LUZP2: variants seen among roughly 807,000 people sequenced by gnomAD.
LUZP2 encodes leucine zipper protein 2.
A neutral mutation model predicts 51.6 loss-of-function variants in LUZP2; 52 were observed. That is an observed-to-expected ratio of 1.01 (90% confidence interval 0.81 to 1.27). The LOEUF (loss-of-function observed/expected upper bound fraction) is 1.27, where lower values mean the gene tolerates loss of function less well. Ranked by LOEUF, LUZP2 falls within the 50% of genes most tolerant of loss-of-function variation. The pLI, the probability that LUZP2 is intolerant of heterozygous loss-of-function variation, is 0.00. For synonymous variants in LUZP2, 154 were observed against 137.3 expected, an observed-to-expected ratio of 1.12 and a Z score of -0.85; for missense variants, 436 against 395.4, an observed-to-expected ratio of 1.10 and a Z score of -0.87.
chr11:24,985,875 A>G (rs1300293957), intron 9 of LUZP2, among the ~76,000 whole-genome samples: 1 of 151,744 alleles, frequency 6.6e-6, no homozygotes, highest in African/African-American at 2.4e-5. Flanking sequence ...ATAGGGTTAA[A>G]TATTGGAAAT....
intron 1 of LUZP2, among the ~76,000 whole-genome samples, chr11:24,578,890 T>G (rs1182139637): frequency 1.3e-5 from 2 of 152,092 alleles, no homozygotes; most frequent in Non-Finnish European, 2.9e-5. Flanking sequence ...TATACCCAGG[T>G]AACAAACCTG....
At chr11:24,963,100 G>C (rs1855467133) in intron 7 of LUZP2, among the ~76,000 whole-genome samples, 1 of 152,162 alleles carries the variant, frequency 6.6e-6, no homozygotes, top group African/African-American at 2.4e-5. Context: ...CGCGAATGCT[G>C]CTGTCTGATC....
chr11:24,922,825 C>CTTTTTTTTTT lies in LUZP2; in HGVS notation c.522+8289_522+8298dup, dbSNP rs1277388215. ...GGACTACCAAGTGGCACAGTTATAT[C>CTTTTTTTTTT]TTTTTTTTTTTCTTTTTTTTTTTTT... On this transcript the variant is annotated intron_variant, in intron 7 of 11. Transcript: ENST00000336930. 1.3e-4 allele frequency among the ~76,000 whole-genome samples: 6 copies of CTTTTTTTTTT among 44,622 alleles called. 3 individuals carry two copies. Among genetic ancestry groups the CTTTTTTTTTT allele is most frequent in the South Asian group, 2.9e-3 (2 of 688 alleles). The allele number at this position is 44,622 out of a possible 152,430, so 29.3% of individuals were successfully genotyped here. A position where few individuals can be genotyped will look rare whatever the true frequency, so the allele number is the denominator to read the frequency against.
chr11:24,516,799 A>G (rs1166698115), intron 1 of LUZP2, among the ~76,000 whole-genome samples: 1 of 152,210 alleles, frequency 6.6e-6, no homozygotes, highest in Non-Finnish European at 1.5e-5. Context: ...CAAAAATTAC[A>G]GTTTTCTAGG....
At chr11:24,926,098 C>CA (rs1281079266) in intron 7 of LUZP2, among the ~76,000 whole-genome samples, 2 of 151,294 alleles carry the variant, frequency 1.3e-5, no homozygotes, top group Non-Finnish European at 2.9e-5. Flanking sequence ...ATGAGTATCC[C>CA]ATGGTGTGTG....
At chr11:24,800,743 A>T (rs1171258498) in intron 5 of LUZP2, among the ~76,000 whole-genome samples, 2 of 152,136 alleles carry the variant, frequency 1.3e-5, no homozygotes, top group Non-Finnish European at 2.9e-5. Context: ...TGTAAATTTT[A>T]CTATAAGCCC....
chr11:24,654,392 TTTC>T (rs1855732241), intron 1 of LUZP2, among the ~76,000 whole-genome samples: 1 of 152,166 alleles, frequency 6.6e-6, no homozygotes, highest in South Asian at 2.1e-4. Context: ...CAAATTTTTT[TTTC>T]TTTTTTCTTT....
chr11:24,739,095 C>A (rs1859042121), intron 4 of LUZP2, among the ~76,000 whole-genome samples: 1 of 152,048 alleles, frequency 6.6e-6, no homozygotes, highest in African/African-American at 2.4e-5. Flanking sequence ...TCTCACAGTT[C>A]TAGCTGCACA....
At chr11:24,583,307 G>T (rs899101727) in intron 1 of LUZP2, among the ~76,000 whole-genome samples, 6 of 152,058 alleles carry the variant, frequency 3.9e-5, no homozygotes, top group African/African-American at 1.4e-4. Context: ...CAGTTTGCCA[G>T]CAACCGACTT....
intron 1 of LUZP2, among the ~76,000 whole-genome samples, chr11:24,635,744 A>T (rs2133935366): frequency 6.6e-6 from 1 of 152,280 alleles, no homozygotes; most frequent in African/African-American, 2.4e-5. Context: ...AACTTGAAAC[A>T]AATCAACGCA....
At chr11:24,732,007 T>C (rs984391506) in intron 2 of LUZP2, 111 bp from the exon 3 acceptor site, 38 of 718,802 alleles carry the variant, frequency 5.3e-5, no homozygotes, top group Non-Finnish European at 7.5e-5. Context: ...TCATTTTTAA[T>C]TCTTGTTCCA....
intron 5 of LUZP2, among the ~76,000 whole-genome samples, chr11:24,819,702 C>A (rs1424053160): frequency 6.6e-6 from 1 of 152,056 alleles, no homozygotes; most frequent in Non-Finnish European, 1.5e-5. Context: ...TGCCTAAAGA[C>A]TGGATTTCCC....
chr11:24,870,936 A>C (rs896326140), intron 5 of LUZP2, among the ~76,000 whole-genome samples: 1 of 152,080 alleles, frequency 6.6e-6, no homozygotes, highest in East Asian at 1.9e-4. Flanking sequence ...ATATTCAGTT[A>C]ACCATTTTTT....
intron 5 of LUZP2, among the ~76,000 whole-genome samples, chr11:24,837,907 C>A (rs963912836): frequency 6.6e-6 from 1 of 151,610 alleles, no homozygotes; most frequent in African/African-American, 2.4e-5. Context: ...AGAAACCTGA[C>A]TTCTCCCAGA....
At chr11:24,553,361 A>C (rs1851774421) in intron 1 of LUZP2, among the ~76,000 whole-genome samples, 1 of 152,102 alleles carries the variant, frequency 6.6e-6, no homozygotes, top group South Asian at 2.1e-4. Context: ...AAGGGTAAAA[A>C]GTAAATGTAG....
At chr11:24,741,185 G>A (rs778067612) in intron 4 of LUZP2, among the ~76,000 whole-genome samples, 2 of 151,852 alleles carry the variant, frequency 1.3e-5, no homozygotes, top group Non-Finnish European at 2.9e-5. Flanking sequence ...GATTTTCAAT[G>A]GCTATTCTTA....
At chr11:24,499,870 A>T (rs1377390384) in intron 1 of LUZP2, among the ~76,000 whole-genome samples, 1 of 152,156 alleles carries the variant, frequency 6.6e-6, no homozygotes, top group African/African-American at 2.4e-5. Context: ...TCTATTTTAA[A>T]GTAATCTGTT....
chr11:24,773,397 G>T (rs369749563), intron 5 of LUZP2, among the ~76,000 whole-genome samples: 4 of 152,138 alleles, frequency 2.6e-5, no homozygotes, highest in African/African-American at 9.7e-5. Context: ...GCCAAGAGAT[G>T]AATAGCAAAC....
chr11:24,663,905 A>T (rs1179048859), intron 1 of LUZP2, among the ~76,000 whole-genome samples: 4 of 152,180 alleles, frequency 2.6e-5, no homozygotes, highest in African/African-American at 7.2e-5. Context: ...CATGATTGTA[A>T]GTTCCTGAAG....
Sources: gnomAD v4.1 joint callset for allele counts (sites outside exome capture counted in the v4.1 genomes callset) on GRCh38, gnomAD v4.1.1 for gene constraint, MANE v1.5 for transcripts, NCBI Gene and HGNC (gene_info 2026-07-23, HGNC 2026-07-21) for gene names.